Variants in KIF5C observed in about 807,000 individuals in gnomAD.
KIF5C encodes kinesin family member 5C.
Under a neutral mutation model 125.2 loss-of-function variants are expected in KIF5C, and 18 were observed. That is an observed-to-expected ratio of 0.14 (90% CI 0.10 to 0.21). The LOEUF is 0.21. Among genes scored for constraint, KIF5C ranks in the 10% least tolerant of loss-of-function variants. The pLI, the probability that KIF5C is intolerant of heterozygous loss-of-function variation, is 1.00. For synonymous variants in KIF5C, 405 were observed against 434.0 expected (o/e 0.93, Z 0.83); for missense variants, 780 against 1,183.8 (o/e 0.66, Z 5.01).
chr2:148,936,914 T>C (rs1682303167), intron 3 of KIF5C, among the ~76,000 whole-genome samples: 1 of 152,196 alleles, frequency 6.6e-6, no homozygotes, highest in African/African-American at 2.4e-5. Flanking sequence ...AGTTTGTAAA[T>C]ACTCAAAACC....
intron 16 of KIF5C, among the ~76,000 whole-genome samples, chr2:148,993,566 CTG>C (rs1184440803): frequency 6.6e-6 from 1 of 152,212 alleles, no homozygotes; most frequent in African/African-American, 2.4e-5. Flanking sequence ...TCACCAAAAA[CTG>C]TGCTTATAAG....
At chr2:148,952,783 G>A (rs1338778996) in intron 10 of KIF5C, among the ~76,000 whole-genome samples, 2 of 152,160 alleles carry the variant, frequency 1.3e-5, no homozygotes, top group African/African-American at 4.8e-5. Context: ...CCTAGCACAA[G>A]GGCTGGCATG....
At chr2:148,917,457 C>T (rs779798287) in intron 1 of KIF5C, among the ~76,000 whole-genome samples, 1 of 152,180 alleles carries the variant, frequency 6.6e-6, no homozygotes, top group African/African-American at 2.4e-5. Context: ...GATAATATGG[C>T]TTGGCCTTAG....
chr2:148,929,398 A>G, intron 3 of KIF5C, 44 bp downstream of exon 3: 1 of 1,281,158 alleles, frequency 7.8e-7, no homozygotes, highest in South Asian at 1.3e-5. Context: ...GAGATGACTG[A>G]ATGGAACTGA....
chr2:148,907,817 G>A lies in KIF5C; in HGVS notation c.127-14320G>A, dbSNP rs78207496. ...GTCCCTGACTCCTGCCTGACTCTGT[G>A]GCTCAGGGGCAGTCAAAGTGGTTAG... On this transcript the variant is annotated intron_variant, in intron 1 of 25. Transcript: ENST00000435030. 8.5e-3 allele frequency among the ~76,000 whole-genome samples: 1,301 copies of A among 152,324 alleles called. 18 individuals are homozygous for A. The highest frequency in any genetic ancestry group is 0.03 in the African/African-American group (1,231 of 41,570).
intron 15 of KIF5C, among the ~76,000 whole-genome samples, chr2:148,989,337 TACACACACACACAC>T (rs59582798): frequency 1.0e-4 from 15 of 147,832 alleles, no homozygotes; most frequent in Admixed American, 1.4e-4. Flanking sequence ...TCCATGATTT[TACACACACACACAC>T]ACACACACAC....
chr2:148,961,081 A>G (rs1040803025), intron 10 of KIF5C, among the ~76,000 whole-genome samples: 1 of 152,172 alleles, frequency 6.6e-6, no homozygotes, highest in African/African-American at 2.4e-5. Context: ...TCAACCCCCC[A>G]GGCCATGTGC....
intron 11 of KIF5C, among the ~76,000 whole-genome samples, chr2:148,968,331 A>G (rs1680801844): frequency 1.3e-5 from 2 of 152,350 alleles, no homozygotes; most frequent in South Asian, 2.1e-4. Context: ...GCCAGCAGAC[A>G]TGGTTCAGTA....
chr2:148,995,856 A>C (rs989766190), intron 17 of KIF5C, among the ~76,000 whole-genome samples: 89 of 152,356 alleles, frequency 5.8e-4, no homozygotes, highest in African/African-American at 2.1e-3. Flanking sequence ...GGTTATAACT[A>C]TTAAAAATGA....
intron 4 of KIF5C, among the ~76,000 whole-genome samples, chr2:148,939,766 A>G (rs1385070580): frequency 6.6e-6 from 1 of 152,234 alleles, no homozygotes; most frequent in Non-Finnish European, 1.5e-5. Flanking sequence ...GGACTGACTA[A>G]GGCAATATCG....
Position 148,875,811 on chromosome 2 carries a change from C to G in KIF5C, c.126+68C>G, listed in dbSNP as rs578228086. 152 of 1,543,462 alleles carry G rather than the reference C, an allele frequency of 9.8e-5. No homozygotes were observed. The African/African-American group carries it at 1.4e-3, about 14-fold the overall frequency. Reference sequence around the variant, plus strand: ...CAGCTGGGCGCCCCGACGCCCCAGACGCAGCGGAGGTGTTTAGGCCGCCCC... The same window carrying G: ...CAGCTGGGCGCCCCGACGCCCCAGAGGCAGCGGAGGTGTTTAGGCCGCCCC... On this transcript the variant is annotated intron_variant, in intron 1 of 25. Coordinates refer to ENST00000435030, the MANE Select transcript of KIF5C (RefSeq NM_004522.3).
intron 1 of KIF5C, among the ~76,000 whole-genome samples, chr2:148,916,851 A>G (rs1343252667): frequency 1.3e-5 from 2 of 152,138 alleles, no homozygotes; most frequent in African/African-American, 4.8e-5. Context: ...CTGGATAGGG[A>G]GGCAGGAGGT....
At chr2:149,005,586 C>T in intron 22 of KIF5C, 122 bp downstream of exon 22, 1 of 1,387,556 alleles carries the variant, frequency 7.2e-7, no homozygotes, top group South Asian at 1.3e-5. Context: ...TTAATTACTG[C>T]ACACCAGAGA....
At chr2:148,879,036 A>T (rs1681273424) in intron 1 of KIF5C, 1 of 152,124 alleles carries the variant, frequency 6.6e-6, no homozygotes, top group Non-Finnish European at 1.5e-5. Context: ...TTTGGGAGAA[A>T]TGTTCTCCAT....
chr2:148,892,920 A>T (rs1248688858), intron 1 of KIF5C, among the ~76,000 whole-genome samples: 1 of 152,236 alleles, frequency 6.6e-6, no homozygotes, highest in African/African-American at 2.4e-5. Flanking sequence ...TTCTTCTTCA[A>T]ATAATGACAG....
At chr2:148,995,447 C>T (rs1681639963) in intron 17 of KIF5C, among the ~76,000 whole-genome samples, 1 of 152,116 alleles carries the variant, frequency 6.6e-6, no homozygotes, top group Non-Finnish European at 1.5e-5. Flanking sequence ...GGAAGCACTT[C>T]ATAAATATTA....
At chr2:148,984,557 C>T (rs1451435357) in intron 15 of KIF5C, among the ~76,000 whole-genome samples, 1 of 152,120 alleles carries the variant, frequency 6.6e-6, no homozygotes, top group Admixed American at 6.5e-5. Context: ...CTCACTCAAC[C>T]ACATCCAAGG....
At position 148,975,806 on chromosome 2, in the gene KIF5C, C is replaced by T. The variant is rs183845706; in HGVS notation, c.1293+2295C>T. Reference sequence around the variant, plus strand: ...CTGAGTCCTGGGCTGGCGCCTGGCCCTGCTGAAGGTGCTTTTTCTCATCTG... The same window carrying T: ...CTGAGTCCTGGGCTGGCGCCTGGCCTTGCTGAAGGTGCTTTTTCTCATCTG... On this transcript the variant is annotated intron_variant, in intron 12 of 25. Transcript: ENST00000435030. Among the ~76,000 whole-genome samples the T allele has an allele frequency of 2.6e-5, 4 of 152,310 alleles. No homozygotes were observed. The East Asian group carries it at 5.8e-4, about 22-fold the overall frequency.
At chr2:148,880,526 G>A (rs1425579858) in intron 1 of KIF5C, among the ~76,000 whole-genome samples, 1 of 152,198 alleles carries the variant, frequency 6.6e-6, no homozygotes, top group African/African-American at 2.4e-5. Flanking sequence ...TCCAGGAATG[G>A]GATTGCTGGG....
Sources: gnomAD v4.1 joint callset for allele counts (sites outside exome capture counted in the v4.1 genomes callset) on GRCh38, gnomAD v4.1.1 for gene constraint, MANE v1.5 for transcripts, NCBI Gene and HGNC (gene_info 2026-07-23, HGNC 2026-07-21) for gene names.